Variants in C3 observed in about 807,000 individuals in gnomAD.
C3 encodes complement C3, also known as C3 and PZP-like alpha-2-macroglobulin domain-containing protein 1.
Under a neutral mutation model 207.9 loss-of-function variants are expected in C3, and 97 were observed. The observed-to-expected ratio is 0.47, with a 90% confidence interval of 0.40 to 0.55. C3 has a LOEUF of 0.55. Among genes scored for constraint, C3 ranks in the 20% least tolerant of loss-of-function variants. The pLI, the probability that C3 is intolerant of heterozygous loss-of-function variation, is 0.00. For missense variants in C3, 1,684 were observed against 2,171.7 expected (o/e 0.78, Z 4.46); for synonymous variants, 848 against 857.6 (o/e 0.99, Z 0.20).
At chr19:6,712,120 A>G (rs1211165570) in intron 11 of C3, 137 bp downstream of exon 11, 3 of 1,093,148 alleles carry the variant, frequency 2.7e-6, no homozygotes, top group Non-Finnish European at 4.0e-6. Context: ...AAATGGCAGG[A>G]CCCCTCTGCG....
chr19:6,711,247 A>G (rs763343280), intron 11 of C3, 51 bp from the exon 12 acceptor site: 1 of 1,487,314 alleles, frequency 6.7e-7, no homozygotes. Context: ...GGATACCCAC[A>G]CCCGAATCCC....
At chr19:6,707,405 G>T (rs548993408) in intron 16 of C3, 61 bp downstream of exon 16, 64 of 1,604,702 alleles carry the variant, frequency 4.0e-5, no homozygotes, top group Non-Finnish European at 2.8e-5. Flanking sequence ...CTCCTGCACG[G>T]CCGGGCTGGG....
At chr19:6,681,136 A>G (rs1917848021) in intron 35 of C3, among the ~76,000 whole-genome samples, 1 of 152,064 alleles carries the variant, frequency 6.6e-6, no homozygotes, top group East Asian at 1.9e-4. Context: ...TATGCCTGTA[A>G]TCTCAGCACT....
At chr19:6,688,110 C>T (rs1918058475) in intron 27 of C3, among the ~76,000 whole-genome samples, 2 of 150,950 alleles carry the variant, frequency 1.3e-5, no homozygotes, top group Non-Finnish European at 2.9e-5. Flanking sequence ...TCCCAAAGTG[C>T]TGGGATTACA....
chr19:6,702,459 C>T lies in C3; in HGVS notation c.2354+12G>A. On this transcript the variant is annotated intron_variant, in intron 18 of 40. Coordinates refer to ENST00000245907, the MANE Select transcript of C3 (RefSeq NM_000064.4). Reference sequence around the variant, plus strand: ...TCTGGGGTGGGTTGTACCGGGGGTACCCCGGCCTTACCCATTTTTCGGTGG... The same window carrying T: ...TCTGGGGTGGGTTGTACCGGGGGTATCCCGGCCTTACCCATTTTTCGGTGG... The T allele has an allele frequency of 1.3e-6, 2 of 1,574,808 alleles. No homozygotes were observed. The highest frequency in any genetic ancestry group is 1.7e-6 in the Non-Finnish European group (2 of 1,144,038).
intron 17 of C3, among the ~76,000 whole-genome samples, chr19:6,706,288 G>A (rs1184237969): frequency 6.6e-6 from 1 of 152,124 alleles, no homozygotes; most frequent in East Asian, 1.9e-4. Context: ...ACTGATGGGT[G>A]GGGCTGGGAT....
chr19:6,679,534 G>A, intron 36 of C3, 38 bp from the exon 37 acceptor site: 1 of 1,439,046 alleles, frequency 6.9e-7, no homozygotes, highest in South Asian at 1.1e-5. Flanking sequence ...GAGGATAAGG[G>A]CCTCCCTCCA....
intron 19 of C3, among the ~76,000 whole-genome samples, chr19:6,700,183 CATAAT>C (rs1404106018): frequency 7.3e-6 from 1 of 136,086 alleles, no homozygotes; most frequent in Non-Finnish European, 1.5e-5. Flanking sequence ...TATATGTTTA[CATAAT>C]ATATTACATG....
In C3 at chr19:6,707,526, G is replaced by A; in HGVS notation, c.1987C>T (p.Pro663Ser). ...QTAQRAELQC[P>S]QPAARRRRSV... ...CGGCGTCGGCGGGCGGCTGGCTGCG[G>A]GCACTGAAGTTCTGCAGGGCAGGCG... The change falls in exon 16 of 41, where the codon CCG becomes TCG. Residue 663 changes from proline (P) to serine (S), a missense_variant. Around this residue, in one of 3 missense-constraint regions of C3, gnomAD observed 1,280 missense variants for 1,739.1 expected, o/e 0.74. Coordinates refer to ENST00000245907, the MANE Select transcript of C3 (RefSeq NM_000064.4). The A allele has an allele frequency of 1.9e-6, 3 of 1,614,056 alleles. No homozygotes were observed. Among genetic ancestry groups the A allele is most frequent in the Non-Finnish European group, 2.5e-6 (3 of 1,179,956 alleles).
chr19:6,712,353 G>C lies in C3; in HGVS notation c.1173C>G (p.Val391=). The change falls in exon 11 of 41, where the codon GTC becomes GTG. Residue 391 remains valine (V), a synonymous_variant. Transcript: ENST00000245907. The stretch of plus-strand genomic sequence containing the variant: ...GAGACTGCACAGTGTCCTCGCCCTG[G>C]ACTGCCACGGGGACTCGGTAGGCTG... ...GSPAYRVPVA[V]QGEDTVQSLT... 6.2e-7 allele frequency: 1 copy of C among 1,614,136 alleles called. No homozygotes were observed. Among genetic ancestry groups the C allele is most frequent in the Non-Finnish European group, 8.5e-7 (1 of 1,180,004 alleles).
chr19:6,701,284 A>G (rs976249475), intron 19 of C3, among the ~76,000 whole-genome samples: 1 of 151,996 alleles, frequency 6.6e-6, no homozygotes, highest in Non-Finnish European at 1.5e-5. Flanking sequence ...TAAAAAACAC[A>G]CCTCTGGGTG....
At chr19:6,714,724 T>TG (rs1967996685) in intron 4 of C3, among the ~76,000 whole-genome samples, 1 of 152,082 alleles carries the variant, frequency 6.6e-6, no homozygotes, top group Non-Finnish European at 1.5e-5. Context: ...TAGCCAGGCA[T>TG]GGTGGTAGGC....
rs919133503 is a variant in C3 at position 6,707,550 on chromosome 19, C to A, written c.1976-13G>T. ...GGGCACTGAAGTTCTGCAGGGCAGG[C>A]GGACCGAGAAGAAGATGGATGAGGC... is the stretch of plus-strand genomic sequence containing the variant. On this transcript the variant is annotated splice_polypyrimidine_tract_variant and intron_variant, in intron 15 of 40. Transcript: ENST00000245907. 6.2e-7 allele frequency: 1 copy of A among 1,613,886 alleles called. No homozygotes were observed. The highest frequency in any genetic ancestry group is 8.5e-7 in the Non-Finnish European group (1 of 1,179,874).
Position 6,720,551 on chromosome 19 carries a change from T to A in C3, c.39A>T (p.Leu13=), listed in dbSNP as rs1240349945. 4 of 1,593,566 alleles carry A rather than the reference T, an allele frequency of 2.5e-6. No individual in the cohort carries two copies. The highest frequency in any genetic ancestry group is 3.4e-6 in the Non-Finnish European group (4 of 1,169,904). Residue 13 remains leucine, a synonymous_variant, in exon 1 of 41, where the codon CTA becomes CTT. Transcript: ENST00000245907. ...PTSGPSLLLL[L]LTHLPLALGS... is the part of the protein sequence containing the mutation. ...CCAGAGCCAGGGGGAGGTGGGTTAG[T>A]AGCAGGAGCAGCAGGCTGGGACCTG...
intron 24 of C3, among the ~76,000 whole-genome samples, chr19:6,693,707 A>T (rs1918226774): frequency 8.7e-6 from 1 of 115,524 alleles, no homozygotes; most frequent in African/African-American, 3.4e-5. Flanking sequence ...AGAGAGGAGA[A>T]GGATATTGAG....
intron 24 of C3, among the ~76,000 whole-genome samples, chr19:6,694,191 C>A: frequency 1.0e-5 from 1 of 97,310 alleles, no homozygotes; most frequent in Admixed American, 1.1e-4. Flanking sequence ...GTGGGGGGCC[C>A]TCAGGGGATG....
At position 6,719,370 on chromosome 19, in the gene C3, C is replaced by T. The variant is rs763915207; in HGVS notation, c.108G>A (p.Leu36=). The T allele has an allele frequency of 1.2e-6, 2 of 1,614,004 alleles. No homozygotes were observed. The highest frequency in any genetic ancestry group is 1.7e-5 in the Admixed American group (1 of 60,006). ...YSIITPNILR[L]ESEETMVLEA... ...CCAGCACCATGGTCTCCTCGCTCTCCAGCCGCAAGATGTTGGGGGTGATGA... is the reference window on the plus strand; with the variant it reads ...CCAGCACCATGGTCTCCTCGCTCTCTAGCCGCAAGATGTTGGGGGTGATGA... The change falls in exon 2 of 41, where the codon CTG becomes CTA. Residue 36 remains leucine, a synonymous_variant. Transcript: ENST00000245907. This position sits in a 1 kb window ranked among gnomAD's most constrained non-coding sequence, Gnocchi z 5.4.
Position 6,685,450 on chromosome 19 carries a change from G to A in C3, c.3811-304C>T, listed in dbSNP as rs1390444730. 2.0e-5 allele frequency among the ~76,000 whole-genome samples: 3 copies of A among 152,142 alleles called. No homozygotes were observed. In the East Asian group the frequency reaches 5.8e-4, roughly 29 times the overall value. ...AGGATGCAGTCTAGACCCATCAAGA[G>A]GAGAGAGTCTTAGACCAGGGCTTGG... On this transcript the variant is annotated intron_variant, in intron 29 of 40. Coordinates refer to ENST00000245907, the MANE Select transcript of C3 (RefSeq NM_000064.4).
chr19:6,702,841 C>T (rs906749633), intron 17 of C3: 14 of 404,392 alleles, frequency 3.5e-5, no homozygotes, highest in South Asian at 2.5e-4. Flanking sequence ...TGAGACCAGC[C>T]TGGACAACAT....
Sources: gnomAD v4.1 joint callset for allele counts (sites outside exome capture counted in the v4.1 genomes callset) on GRCh38, gnomAD v4.1.1 for gene constraint, gnomAD v4.1.1 regional missense constraint, Gnocchi (gnomAD v3.1) non-coding constraint, MANE v1.5 for transcripts, NCBI Gene and HGNC (gene_info 2026-07-23, HGNC 2026-07-21) for gene names.